Variants in STARD9 observed in about 807,000 individuals in gnomAD.
The protein encoded by STARD9 is StAR related lipid transfer domain containing 9, also known as stAR-related lipid transfer protein 9.
A neutral mutation model predicts 399.8 loss-of-function variants in STARD9; 346 were observed. The ratio of observed to expected loss-of-function variants is 0.87; its 90% CI spans 0.79 to 0.95. The LOEUF (loss-of-function observed/expected upper bound fraction) is 0.95. Ranked by LOEUF, STARD9 falls within the 40% of genes least tolerant of loss-of-function variation. STARD9 has a pLI of 0.00. For missense variants in STARD9, 5,832 were observed against 5,667.5 expected (o/e 1.03, Z -0.93); for synonymous variants, 2,203 against 2,143.5 (o/e 1.03, Z -0.77).
intron 20 of STARD9, among the ~76,000 whole-genome samples, chr15:42,680,298 C>T (rs559275672): frequency 6.6e-6 from 1 of 152,266 alleles, no homozygotes; most frequent in South Asian, 2.1e-4. Context: ...TAAGGCATGA[C>T]TAAAATCTAG....
chr15:42,702,775 C>G lies in STARD9; in HGVS notation c.13284+6895C>G, dbSNP rs568898477. Among the ~76,000 whole-genome samples, 66 of 152,286 alleles carry G rather than the reference C, an allele frequency of 4.3e-4. No individual in the cohort carries two copies. The South Asian group carries it at 0.013, about 31-fold the overall frequency. On this transcript the variant is annotated intron_variant, in intron 26 of 32. Coordinates refer to ENST00000290607, the MANE Select transcript of STARD9 (RefSeq NM_020759.3). Reference sequence around the variant, plus strand: ...TGTCTGGGAAAGTCTTTCCTCTCTTCTTCATGTCTGAAGGATAGTTTTACT... The same window carrying G: ...TGTCTGGGAAAGTCTTTCCTCTCTTGTTCATGTCTGAAGGATAGTTTTACT...
rs1219373836 is a variant in STARD9 at position 42,694,194 on chromosome 15, C to G, written c.12616C>G (p.Leu4206Val). ...CCCCCTGCAAGTTGGGGCCCAGAACCTCTCACTCAGCGTGGAACTCACAGA... is the reference window on the plus strand; with the variant it reads ...CCCCCTGCAAGTTGGGGCCCAGAACGTCTCACTCAGCGTGGAACTCACAGA... ...QIPLQVGAQN[L>V]SLSVELTEAK... Residue 4206 changes from leucine to valine, a missense_variant, in exon 23 of 33, where the codon CTC becomes GTC. This residue lies in a region of STARD9 where 5,828 missense variants were observed against 5,651.1 expected (regional missense o/e 1.03). Coordinates refer to ENST00000290607, the MANE Select transcript of STARD9 (RefSeq NM_020759.3). 6.5e-7 allele frequency: 1 copy of G among 1,535,774 alleles called. No homozygotes were observed. The highest frequency in any genetic ancestry group is 8.7e-7 in the Non-Finnish European group (1 of 1,146,310).
intron 26 of STARD9, among the ~76,000 whole-genome samples, chr15:42,704,378 G>A (rs1218419426): frequency 6.6e-6 from 1 of 152,108 alleles, no homozygotes; most frequent in Admixed American, 6.5e-5. Flanking sequence ...TTATTTAGTT[G>A]GTTTGGTGAG....
rs184832341 is a variant in STARD9 at position 42,643,410 on chromosome 15, G to A, written c.559+4598G>A. On this transcript the variant is annotated intron_variant, in intron 7 of 32. Coordinates refer to ENST00000290607, the MANE Select transcript of STARD9 (RefSeq NM_020759.3). Reference sequence around the variant, plus strand: ...GGGGTTTCACCATATTGGTCAGGCTGGTCTCGAACTCCTGACCTCAGGTGA... The same window carrying A: ...GGGGTTTCACCATATTGGTCAGGCTAGTCTCGAACTCCTGACCTCAGGTGA... 5.3e-3 allele frequency among the ~76,000 whole-genome samples: 808 copies of A among 152,230 alleles called. 8 individuals carry two copies. Among genetic ancestry groups the A allele is most frequent in the African/African-American group, 0.018 (763 of 41,546 alleles).
intron 26 of STARD9, among the ~76,000 whole-genome samples, chr15:42,705,877 T>C (rs1402727851): frequency 6.6e-6 from 1 of 152,120 alleles, no homozygotes; most frequent in African/African-American, 2.4e-5. Context: ...CTCAGCCTGC[T>C]GAGTAGCTGG....
rs529870151 is a variant in STARD9 at position 42,635,591 on chromosome 15, AG to A, written c.351+620del. Among the ~76,000 whole-genome samples, 583 of 152,174 alleles carry A rather than the reference AG, an allele frequency of 3.8e-3. 2 individuals are homozygous for A. The highest frequency in any genetic ancestry group is 0.013 in the African/African-American group (559 of 41,532). ...TGATCTGCCCGCCTCGGCCTCCCAA[AG>A]TGCTGGGATTACAGGCATGAGCCAC... On this transcript the variant is annotated intron_variant, in intron 4 of 32. Transcript: ENST00000290607.
In STARD9 at chr15:42,719,584, G is replaced by A. The variant is rs751191269; in HGVS notation, c.*10G>A. 1.9e-5 allele frequency: 29 copies of A among 1,501,398 alleles called. No individual in the cohort carries two copies. The highest frequency in any genetic ancestry group is 4.9e-5 in the East Asian group (2 of 40,736). 93.0% of individuals were successfully genotyped at this position (1,501,398 alleles called of 1,614,324 possible). On this transcript the variant is annotated 3_prime_UTR_variant, in exon 33 of 33. Transcript: ENST00000290607. ...CTTCCTTGGTAGGTAGCATCTCACC[G>A]TCAAGATGGTGCTGCTGAGATGCAG...
chr15:42,641,715 C>T (rs937806374), intron 7 of STARD9, among the ~76,000 whole-genome samples: 18 of 152,096 alleles, frequency 1.2e-4, no homozygotes, highest in African/African-American at 4.1e-4. Flanking sequence ...AGCGATTCTC[C>T]TGCCTCAGCC....
chr15:42,575,784 C>T, intron 1 of STARD9, 22 bp downstream of exon 1: 1 of 1,536,244 alleles, frequency 6.5e-7, no homozygotes, highest in Non-Finnish European at 8.7e-7. Context: ...CGGGAGAGGG[C>T]GCCTGAGGCT....
rs915462912 is a variant in STARD9 at position 42,691,812 on chromosome 15, ACT to A, written c.10240_10241del (p.Ser3414ThrfsTer6). 1.3e-6 allele frequency: 2 copies of A among 1,536,864 alleles called. No individual in the cohort carries two copies. Among genetic ancestry groups the A allele is most frequent in the Admixed American group, 2.0e-5 (1 of 50,962 alleles). ...PATPPYPMPS[T>X]LSHMPTPDFT... ...CACCCCTCCTTATCCAATGCCTTCC[ACT>A]CTCTCACACATGCCAACCCCTGATT... On this transcript the variant is annotated frameshift_variant, in exon 23 of 33. Coordinates refer to ENST00000290607, the MANE Select transcript of STARD9 (RefSeq NM_020759.3). LOFTEE classifies it high-confidence loss of function.
intron 3 of STARD9, among the ~76,000 whole-genome samples, chr15:42,611,060 A>G (rs2058838882): frequency 6.6e-6 from 1 of 152,054 alleles, no homozygotes; most frequent in African/African-American, 2.4e-5. Flanking sequence ...CCCTTTTTCT[A>G]TGGAAACCCA....
rs931337666 is a variant in STARD9, at chr15:42,684,923, C to G, written c.3345C>G (p.Val1115=). The G allele has an allele frequency of 4.6e-6, 7 of 1,536,932 alleles. No homozygotes were observed. The African/African-American group carries it at 6.8e-5, about 15-fold the overall frequency. The change falls in exon 23 of 33, where the codon GTC becomes GTG. Residue 1115 remains valine (V), a synonymous_variant. Transcript: ENST00000290607. ...SNYSLDSLSC[V]YAKALIEPLK... ...ACTCATTGGATTCTCTCTCATGTGTCTATGCCAAAGCCCTGATAGAGCCAC... is the reference window on the plus strand; with the variant it reads ...ACTCATTGGATTCTCTCTCATGTGTGTATGCCAAAGCCCTGATAGAGCCAC...
In STARD9 at chr15:42,687,731, T is replaced by G. The variant is rs1199502462; in HGVS notation, c.6153T>G (p.Ile2051Met). Residue 2051 changes from isoleucine (I) to methionine (M), a missense_variant, in exon 23 of 33, where the codon ATT becomes ATG. Coordinates refer to ENST00000290607, the MANE Select transcript of STARD9 (RefSeq NM_020759.3). ...VNNTDEMARL[I>M]RSVMQLENGI... ...ATACTGATGAAATGGCTAGGCTAATTAGGAGTGTAATGCAGCTGGAAAATG... is the reference window on the plus strand; with the variant it reads ...ATACTGATGAAATGGCTAGGCTAATGAGGAGTGTAATGCAGCTGGAAAATG... The G allele has an allele frequency of 2.0e-6, 3 of 1,537,264 alleles. No homozygotes were observed. The African/African-American group carries it at 4.1e-5, about 21-fold the overall frequency.
Position 42,682,202 on chromosome 15 carries a change from G to T in STARD9, c.2164G>T (p.Ala722Ser). The T allele has an allele frequency of 6.5e-7, 1 of 1,537,242 alleles. No homozygotes were observed. Among genetic ancestry groups the T allele is most frequent in the Non-Finnish European group, 8.7e-7 (1 of 1,146,890 alleles). ...VAEKELEASVALDAWLQTDPE... is the reference protein window; with the variant it reads ...VAEKELEASVSLDAWLQTDPE... Reference sequence around the variant, plus strand: ...AGAGAAAGAACTTGAGGCATCTGTGGCACTTGATGCTTGGCTTCAGACAGA... The same window carrying T: ...AGAGAAAGAACTTGAGGCATCTGTGTCACTTGATGCTTGGCTTCAGACAGA... Residue 722 changes from alanine to serine, a missense_variant, in exon 22 of 33, where the codon GCA becomes TCA. Around this residue, in one of 2 missense-constraint regions of STARD9, gnomAD observed 5,828 missense variants for 5,651.1 expected, o/e 1.03. Transcript: ENST00000290607.
At chr15:42,601,622 C>T (rs2058633081) in intron 3 of STARD9, among the ~76,000 whole-genome samples, 1 of 151,282 alleles carries the variant, frequency 6.6e-6, no homozygotes, top group Non-Finnish European at 1.5e-5. Flanking sequence ...GTGGGGGCTG[C>T]CCCCCACTTC....
At chr15:42,658,058 GA>G (rs2059910529) in intron 9 of STARD9, among the ~76,000 whole-genome samples, 1 of 152,200 alleles carries the variant, frequency 6.6e-6, no homozygotes, top group African/African-American at 2.4e-5. Flanking sequence ...TTGATTAGGC[GA>G]AGGTTTTATA....
intron 26 of STARD9, among the ~76,000 whole-genome samples, chr15:42,705,742 GTTGT>G (rs1014565743): frequency 9.2e-5 from 14 of 151,876 alleles, no homozygotes; most frequent in South Asian, 4.2e-4. Context: ...CACCCAGCCT[GTTGT>G]TTGTTTGTTT....
intron 9 of STARD9, among the ~76,000 whole-genome samples, chr15:42,658,834 C>A (rs1443275003): frequency 2.0e-5 from 3 of 150,046 alleles, no homozygotes; most frequent in Non-Finnish European, 3.0e-5. Context: ...AAAAGCAGGC[C>A]AGGTGTGGTG....
intron 26 of STARD9, among the ~76,000 whole-genome samples, chr15:42,710,659 A>C (rs2061196099): frequency 6.6e-6 from 1 of 152,178 alleles, no homozygotes; most frequent in Admixed American, 6.5e-5. Context: ...TGCTGTAACA[A>C]ATTACCACTC....
Sources: gnomAD v4.1 joint callset for allele counts (sites outside exome capture counted in the v4.1 genomes callset) on GRCh38, gnomAD v4.1.1 for gene constraint, gnomAD v4.1.1 regional missense constraint, MANE v1.5 for transcripts, NCBI Gene and HGNC (gene_info 2026-07-23, HGNC 2026-07-21) for gene names.